PIWIL1: variants seen among roughly 807,000 people sequenced by gnomAD.
PIWIL1 encodes the protein piwi like RNA-mediated gene silencing 1.
A neutral mutation model predicts 114.4 loss-of-function variants in PIWIL1; 73 were observed. That is an observed-to-expected ratio of 0.64 (90% CI 0.53 to 0.78). The LOEUF (loss-of-function observed/expected upper bound fraction) is 0.78. Ranked by LOEUF, PIWIL1 falls within the 30% of genes least tolerant of loss-of-function variation. The pLI is 0.00. For synonymous variants in PIWIL1, 375 were observed against 369.0 expected (o/e 1.02, Z -0.19); for missense variants, 723 against 1,063.1 (o/e 0.68, Z 4.45).
chr12:130,419,149 T>C, the PIWIL1 span, among the ~76,000 whole-genome samples: 2 of 152,164 alleles, frequency 1.3e-5, no homozygotes, highest in Non-Finnish European at 2.9e-5. This position sits in a 1 kb window ranked among gnomAD's most constrained non-coding sequence, Gnocchi z 4.3. Flanking sequence ...CCATGGAAAC[T>C]TGGCTTCACT....
At chr12:130,384,003 C>G in the PIWIL1 span, 3 of 152,134 alleles carry the variant, frequency 2.0e-5, no homozygotes, top group Non-Finnish European at 4.4e-5. Context: ...CATGACATGT[C>G]TCTTCTTTTA....
At chr12:130,346,609 G>A in intron 5 of PIWIL1, 25 bp downstream of exon 5, 2 of 1,561,190 alleles carry the variant, frequency 1.3e-6, no homozygotes, top group Non-Finnish European at 1.8e-6. Context: ...GGGAGATGGG[G>A]GATTTCCACT....
the PIWIL1 span, chr12:130,422,404 C>T: frequency 4.4e-6 from 6 of 1,353,878 alleles, no homozygotes; most frequent in Non-Finnish European, 6.3e-6. This position sits in a 1 kb window ranked among gnomAD's most constrained non-coding sequence, Gnocchi z 5.2. Flanking sequence ...AGTAAGCAGC[C>T]ACATGCTCCG....
chr12:130,362,040 T>C (rs1300924004), intron 16 of PIWIL1, among the ~76,000 whole-genome samples: 2 of 152,338 alleles, frequency 1.3e-5, no homozygotes, highest in South Asian at 4.1e-4. Flanking sequence ...GGCATGTTAG[T>C]TGTTGACATT....
At chr12:130,419,053 G>A in the PIWIL1 span, among the ~76,000 whole-genome samples, 4 of 152,186 alleles carry the variant, frequency 2.6e-5, no homozygotes, top group South Asian at 2.1e-4. The surrounding 1 kb of genome is among the most constrained non-coding windows in gnomAD (Gnocchi z 4.3). Flanking sequence ...TGACTCCACC[G>A]TATGTTCTTC....
At chr12:130,339,825 T>G (rs934318102) in intron 1 of PIWIL1, 1 of 152,208 alleles carries the variant, frequency 6.6e-6, no homozygotes, top group Non-Finnish European at 1.5e-5. Context: ...CCCCACCCCG[T>G]AATTTCTGTT....
exon 21 of PIWIL1, chr12:130,372,597 C>CAAAAAAAAAAAAAAAAAAAAAAAAAA: frequency 1.5e-5 from 1 of 67,882 alleles, no homozygotes; most frequent in East Asian, 5.5e-4. Flanking sequence ...GACTCCGTCT[C>CAAAAAAAAAAAAAAAAAAAAAAAAAA]AAAAAAAAAA....
chr12:130,363,035 C>T lies in PIWIL1; in HGVS notation c.2086C>T (p.Arg696Trp). Residue 696 changes from arginine to tryptophan, a missense_variant, in exon 18 of 21, where the codon CGG (arginine) becomes TGG (tryptophan). This residue lies in a region of PIWIL1 where 31 missense variants were observed against 30.2 expected (regional missense o/e 1.03). Transcript: ENST00000245255. Reference protein sequence around the residue: ...WNSCNEYMPSRIIVYRDGVGD... With the variant: ...WNSCNEYMPSWIIVYRDGVGD... ...TAGCTGCAATGAGTACATGCCCAGC[C>T]GGATCATCGTGTACCGCGATGGCGT... The T allele has an allele frequency of 6.2e-7, 1 of 1,614,210 alleles. No individual in the cohort carries two copies. Among genetic ancestry groups the T allele is most frequent in the Non-Finnish European group, 8.5e-7 (1 of 1,180,046 alleles).
the PIWIL1 span, chr12:130,407,734 C>A: frequency 3.1e-6 from 5 of 1,613,416 alleles, no homozygotes; most frequent in African/African-American, 1.3e-5. Context: ...ACCTCGACAT[C>A]GACGTTGGGC....
chr12:130,399,283 C>A, the PIWIL1 span: 5 of 518,410 alleles, frequency 9.6e-6, no homozygotes, highest in East Asian at 4.4e-5. Flanking sequence ...TCTAATAGTT[C>A]AATATGCTTG....
At chr12:130,345,563 G>T (rs2073047491) in intron 3 of PIWIL1, 190 bp from the exon 4 acceptor site, 19 of 554,676 alleles carry the variant, frequency 3.4e-5, no homozygotes, top group Middle Eastern at 9.5e-4. Context: ...CTTTATGAAT[G>T]AAGTTATAAC....
chr12:130,372,245 T>C lies in PIWIL1; in HGVS notation c.*647T>C, dbSNP rs1419143669. ...AAAAAAGGCCATGAGTAAATCTCTATATTAACATTACTATTTATTTTGTTT... is the reference window on the plus strand; with the variant it reads ...AAAAAAGGCCATGAGTAAATCTCTACATTAACATTACTATTTATTTTGTTT... On this transcript the variant is annotated 3_prime_UTR_variant, in exon 21 of 21. Coordinates refer to ENST00000245255, the MANE Select transcript of PIWIL1 (RefSeq NM_004764.5). 1 of 152,208 alleles carries C rather than the reference T, an allele frequency of 6.6e-6. No individual in the cohort carries two copies. The highest frequency in any genetic ancestry group is 1.9e-4 in the East Asian group (1 of 5,204). The allele number at this position is 152,208 out of a possible 1,614,324, so 9.4% of individuals were successfully genotyped here.
At position 130,342,565 on chromosome 12, in the gene PIWIL1, T is replaced by C. The variant is rs2072951273; in HGVS notation, c.-12-15T>C. The C allele has an allele frequency of 1.3e-6, 2 of 1,518,474 alleles. No individual in the cohort carries two copies. The highest frequency in any genetic ancestry group is 1.4e-5 in the African/African-American group (1 of 73,068). The allele number at this position is 1,518,474 out of a possible 1,614,324, so 94.1% of individuals were successfully genotyped here. A position where few individuals can be genotyped will look rare whatever the true frequency, so the allele number is the denominator to read the frequency against. On this transcript the variant is annotated splice_polypyrimidine_tract_variant and intron_variant, in intron 1 of 20. Transcript: ENST00000245255. ...CCTCCATTGAGTATTGTCTTCAAGA[T>C]TGTTTCCTCTCCAGAAATAGAAAAC...
intron 19 of PIWIL1, among the ~76,000 whole-genome samples, chr12:130,369,449 C>T (rs2073758904): frequency 6.6e-6 from 1 of 152,150 alleles, no homozygotes; most frequent in Non-Finnish European, 1.5e-5. Context: ...ATTTCGGGTT[C>T]TAGATCTTTG....
the PIWIL1 span, among the ~76,000 whole-genome samples, chr12:130,400,995 G>A: frequency 6.6e-6 from 1 of 152,246 alleles, no homozygotes; most frequent in Non-Finnish European, 1.5e-5. Context: ...TGCAGCTGCT[G>A]TTGAAAACAA....
intron 1 of PIWIL1, among the ~76,000 whole-genome samples, chr12:130,340,024 G>A (rs1207307395): frequency 6.6e-6 from 1 of 152,216 alleles, no homozygotes; most frequent in African/African-American, 2.4e-5. Context: ...TCGCAGCCTA[G>A]TTGGAGAAGC....
chr12:130,408,196 C>T, the PIWIL1 span, among the ~76,000 whole-genome samples: 4 of 152,292 alleles, frequency 2.6e-5, no homozygotes, highest in African/African-American at 7.2e-5. Flanking sequence ...GCAGAGTGCA[C>T]GGTTGTGACA....
chr12:130,357,373 T>C, intron 13 of PIWIL1, 108 bp from the exon 14 acceptor site: 3 of 825,338 alleles, frequency 3.6e-6, no homozygotes, highest in Non-Finnish European at 5.9e-6. Flanking sequence ...CGGTGTTTGA[T>C]TTCATGTTTT....
the PIWIL1 span, among the ~76,000 whole-genome samples, chr12:130,403,425 GCAGA>G: frequency 2.3e-3 from 344 of 152,288 alleles, 1 homozygote; most frequent in African/African-American, 8.0e-3. Context: ...ATAGAAACAT[GCAGA>G]CAAATTAGAA....
Sources: gnomAD v4.1 joint callset for allele counts (sites outside exome capture counted in the v4.1 genomes callset) on GRCh38, gnomAD v4.1.1 for gene constraint, gnomAD v4.1.1 regional missense constraint, Gnocchi (gnomAD v3.1) non-coding constraint, MANE v1.5 for transcripts, NCBI Gene and HGNC (gene_info 2026-07-23, HGNC 2026-07-21) for gene names.